Variants in AACS observed in about 807,000 individuals in gnomAD.
The protein encoded by AACS is acetoacetate-CoA ligase.
In AACS, 69 loss-of-function variants were observed where a neutral mutation model predicts 83.1. That is an observed-to-expected ratio of 0.83 (90% CI 0.68 to 1.01). The LOEUF is 1.01. AACS is among the 50% of genes least tolerant of loss of function. The pLI is 0.00. For synonymous variants in AACS, 333 were observed against 343.4 expected, an observed-to-expected ratio of 0.97 and a Z score of 0.33; for missense variants, 866 against 882.2, an observed-to-expected ratio of 0.98 and a Z score of 0.23.
At position 125,095,650 on chromosome 12, in the gene AACS, A is replaced by G. The variant is rs561834162; in HGVS notation, c.570+4127A>G. Among the ~76,000 whole-genome samples the G allele has an allele frequency of 5.9e-5, 9 of 151,474 alleles. No homozygotes were observed. The East Asian group carries it at 1.6e-3, about 26-fold the overall frequency. ...GAACAGCCTCTTCTCCCTCCCGCCT[A>G]CCCTGTGGGACCTGCTTATTCTTGA... On this transcript the variant is annotated intron_variant, in intron 5 of 17. Coordinates refer to ENST00000316519, the MANE Select transcript of AACS (RefSeq NM_023928.5).
chr12:125,077,788 A>C (rs1956064943), intron 3 of AACS, among the ~76,000 whole-genome samples: 1 of 151,910 alleles, frequency 6.6e-6, no homozygotes, highest in African/African-American at 2.4e-5. Flanking sequence ...AGTTTGCTGC[A>C]ACCTCTGCCT....
At chr12:125,084,846 C>T (rs887112818) in intron 3 of AACS, among the ~76,000 whole-genome samples, 2 of 151,992 alleles carry the variant, frequency 1.3e-5, no homozygotes, top group East Asian at 1.9e-4. Context: ...CCTCCCAAAG[C>T]GCTGGCATTA....
chr12:125,124,978 T>C lies in AACS; in HGVS notation c.1263T>C (p.Tyr421=), dbSNP rs759170351. 2 of 1,614,200 alleles carry C rather than the reference T, an allele frequency of 1.2e-6. No individual in the cohort carries two copies. Among genetic ancestry groups the C allele is most frequent in the Non-Finnish European group, 1.7e-6 (2 of 1,180,034 alleles). ...GSPLKAQSYE[Y]VYRCIKSSIL... ...CACTGAAAGCCCAGAGCTACGAGTA[T>C]GTCTACAGGTGCATCAAGAGCAGCA... Residue 421 remains tyrosine, a synonymous_variant, in exon 12 of 18, where the codon TAT becomes TAC. Coordinates refer to ENST00000316519, the MANE Select transcript of AACS (RefSeq NM_023928.5).
intron 5 of AACS, among the ~76,000 whole-genome samples, chr12:125,098,788 A>C (rs1371461053): frequency 6.6e-6 from 1 of 152,124 alleles, no homozygotes; most frequent in African/African-American, 2.4e-5. Context: ...GGGGTTTAAC[A>C]CCACTATTTA....
Position 125,124,860 on chromosome 12 carries a change from C to T in AACS, c.1187-42C>T, listed in dbSNP as rs1202439849. The T allele has an allele frequency of 4.3e-6, 7 of 1,614,000 alleles. No individual in the cohort carries two copies. The South Asian group carries it at 5.5e-5, about 13-fold the overall frequency. Reference sequence around the variant, plus strand: ...TCCTGCTTGCGAGTGAGGCTTCAGGCACTGGGTTTAGTTTTAATCTTTTGG... The same window carrying T: ...TCCTGCTTGCGAGTGAGGCTTCAGGTACTGGGTTTAGTTTTAATCTTTTGG... On this transcript the variant is annotated intron_variant, in intron 11 of 17. Transcript: ENST00000316519.
chr12:125,069,234 T>C (rs1196852250), intron 1 of AACS, among the ~76,000 whole-genome samples: 5 of 152,208 alleles, frequency 3.3e-5, no homozygotes, highest in South Asian at 2.1e-4. Flanking sequence ...GTATACAGTA[T>C]GGGGCCATGC....
intron 8 of AACS, among the ~76,000 whole-genome samples, chr12:125,108,486 T>C (rs1347054208): frequency 6.6e-6 from 1 of 152,198 alleles, no homozygotes; most frequent in Non-Finnish European, 1.5e-5. Flanking sequence ...CATTCTGAGA[T>C]ACTAGGTATT....
intron 16 of AACS, 78 bp downstream of exon 16, chr12:125,134,930 C>T (rs1025688517): frequency 2.0e-6 from 3 of 1,534,374 alleles, no homozygotes; most frequent in African/African-American, 1.4e-5. Context: ...AGGAGCCCCA[C>T]CTTTGGCACA....
Position 125,086,443 on chromosome 12 carries a change from G to A in AACS, c.472G>A (p.Gly158Ser), listed in dbSNP as rs1282358838. 1 of 1,614,002 alleles carries A rather than the reference G, an allele frequency of 6.2e-7. No individual in the cohort carries two copies. Among genetic ancestry groups the A allele is most frequent in the Non-Finnish European group, 8.5e-7 (1 of 1,180,012 alleles). Residue 158 changes from glycine (G) to serine (S), a missense_variant and splice_region_variant, in exon 4 of 18, where the codon GGT becomes AGT. Gly to Ser is a moderately conservative substitution (Grantham distance 56, BLOSUM62 0). Coordinates refer to ENST00000316519, the MANE Select transcript of AACS (RefSeq NM_023928.5). ...MGVKKGDRVV[G>S]YLPNSEHAVE... ...TGTGAAGAAAGGAGATCGGGTTGTT[G>A]GTAAGTATTTTGGGTGCTGGTGATG...
At position 125,094,028 on chromosome 12, in the gene AACS, C is replaced by G. The variant is rs1242744618; in HGVS notation, c.570+2505C>G. On this transcript the variant is annotated intron_variant, in intron 5 of 17. Coordinates refer to ENST00000316519, the MANE Select transcript of AACS (RefSeq NM_023928.5). The surrounding 1 kb of genome is among the most constrained non-coding windows in gnomAD (Gnocchi z 4.1). ...GTCGGAGCTGAGTAAGGACCTGGCA[C>G]AGGTCGACTGCGCGAAAGCCTCTGC... 6.6e-6 allele frequency among the ~76,000 whole-genome samples: 1 copy of G among 152,214 alleles called. No homozygotes were observed. Among genetic ancestry groups the G allele is most frequent in the Non-Finnish European group, 1.5e-5 (1 of 68,032 alleles).
intron 14 of AACS, 83 bp from the exon 15 acceptor site, chr12:125,133,920 G>T: frequency 7.1e-7 from 1 of 1,414,312 alleles, no homozygotes; most frequent in East Asian, 2.3e-5. Flanking sequence ...TGATGTCTGC[G>T]GACCTACACC....
intron 4 of AACS, among the ~76,000 whole-genome samples, chr12:125,088,199 G>T (rs1278930519): frequency 1.3e-5 from 2 of 151,224 alleles, no homozygotes; most frequent in Non-Finnish European, 2.9e-5. Flanking sequence ...ATGACTATGG[G>T]TGTTGGGCTG....
chr12:125,079,891 C>T (rs1956128389), intron 3 of AACS, among the ~76,000 whole-genome samples: 1 of 152,210 alleles, frequency 6.6e-6, no homozygotes, highest in African/African-American at 2.4e-5. Flanking sequence ...CTGGCACCCA[C>T]CTCTCTGCTT....
At chr12:125,125,692 A>G (rs1421347629) in intron 12 of AACS, 2 of 152,310 alleles carry the variant, frequency 1.3e-5, no homozygotes, top group Non-Finnish European at 2.9e-5. Context: ...ATATAAGTAA[A>G]AAATAGACAC....
chr12:125,071,095 G>A (rs534777676), intron 1 of AACS, among the ~76,000 whole-genome samples: 7 of 152,192 alleles, frequency 4.6e-5, no homozygotes, highest in Non-Finnish European at 7.4e-5. Flanking sequence ...GAACGCACCC[G>A]TCCCCAAGAG....
chr12:125,082,039 C>T (rs143294211), intron 3 of AACS, among the ~76,000 whole-genome samples: 3 of 151,962 alleles, frequency 2.0e-5, no homozygotes, highest in Non-Finnish European at 4.4e-5. Context: ...GCATGCCCAG[C>T]TAATTTTTGT....
chr12:125,129,440 C>T lies in AACS; in HGVS notation c.1529C>T (p.Ala510Val), dbSNP rs772486562. 5 of 1,613,574 alleles carry T rather than the reference C, an allele frequency of 3.1e-6. No individual in the cohort carries two copies. The highest frequency in any genetic ancestry group is 4.5e-5 in the East Asian group (2 of 44,854). ...NDENGNKYRK[A>V]YFSKFPGIWA... ...GAGAACGGCAACAAGTACAGGAAGG[C>T]GTATTTCTCCAAATTCCCAGGTCGG... Residue 510 changes from alanine (A) to valine (V), a missense_variant, in exon 14 of 18, where the codon GCG (alanine) becomes GTG (valine). Transcript: ENST00000316519. This position sits in a 1 kb window ranked among gnomAD's most constrained non-coding sequence, Gnocchi z 4.3.
chr12:125,076,755 A>G, intron 3 of AACS, 144 bp downstream of exon 3: 1 of 1,348,244 alleles, frequency 7.4e-7, no homozygotes, highest in Non-Finnish European at 1.0e-6. Context: ...TGTCGACTTT[A>G]TTTTTGCTGG....
At chr12:125,138,301 C>A (rs1243819853) in intron 17 of AACS, 1 of 152,260 alleles carries the variant, frequency 6.6e-6, no homozygotes, top group Non-Finnish European at 1.5e-5. Context: ...AAGAGCCCTG[C>A]AGCTTGGGGC....
Sources: gnomAD v4.1 joint callset for allele counts (sites outside exome capture counted in the v4.1 genomes callset) on GRCh38, gnomAD v4.1.1 for gene constraint, Gnocchi (gnomAD v3.1) non-coding constraint, MANE v1.5 for transcripts, NCBI Gene and HGNC (gene_info 2026-07-23, HGNC 2026-07-21) for gene names.